Variants in ZNF347 observed in about 807,000 individuals in gnomAD.
ZNF347 encodes the protein zinc finger protein 347.
Under a neutral mutation model 12.9 loss-of-function variants are expected in ZNF347, and 19 were observed. The observed-to-expected ratio is 1.47, with a 90% confidence interval of 1.03 to 2.16. ZNF347 has a LOEUF of 2.16. Among genes scored for constraint, ZNF347 ranks in the 30% most tolerant of loss-of-function variants. ZNF347 has a pLI of 0.00. For missense variants in ZNF347, 1,005 were observed against 990.6 expected, an observed-to-expected ratio of 1.01 and a Z score of -0.19; for synonymous variants, 328 against 340.6, an observed-to-expected ratio of 0.96 and a Z score of 0.41.
chr19:53,156,343 C>T (rs1481163222), intron 1 of ZNF347, among the ~76,000 whole-genome samples: 1 of 152,014 alleles, frequency 6.6e-6, no homozygotes, highest in Non-Finnish European at 1.5e-5. Flanking sequence ...GCAGAGGCTG[C>T]CTTGAGCCAA....
intron 1 of ZNF347, among the ~76,000 whole-genome samples, chr19:53,157,130 G>T (rs1273072296): frequency 6.6e-6 from 1 of 152,180 alleles, no homozygotes; most frequent in African/African-American, 2.4e-5. Flanking sequence ...CCTCTGGTTT[G>T]AATAGTGATT....
chr19:53,157,041 C>G (rs1358586576), intron 1 of ZNF347, among the ~76,000 whole-genome samples: 1 of 152,074 alleles, frequency 6.6e-6, no homozygotes, highest in African/African-American at 2.4e-5. Context: ...CCTCTTAGTT[C>G]ATACACTCGC....
At chr19:53,149,454 G>C in intron 2 of ZNF347, 87 bp from the exon 3 acceptor site, 1 of 1,594,816 alleles carries the variant, frequency 6.3e-7, no homozygotes, top group Non-Finnish European at 8.5e-7. Context: ...GATTAAACTG[G>C]AGTAAGTGGG....
chr19:53,157,425 T>C (rs1037673358), intron 1 of ZNF347, among the ~76,000 whole-genome samples: 16 of 152,094 alleles, frequency 1.1e-4, no homozygotes, highest in African/African-American at 3.1e-4. Flanking sequence ...TTATTTTTTA[T>C]TTTCTGTGTT....
rs766503638 is a variant in ZNF347, at chr19:53,149,287, C to G, written c.96G>C (p.Leu32Phe). 5.0e-6 allele frequency: 8 copies of G among 1,613,944 alleles called. No individual in the cohort carries two copies. The South Asian group carries it at 8.8e-5, about 18-fold the overall frequency. ...WTCLDPAQRTLYRDVMLENYR... is the reference protein window; with the variant it reads ...WTCLDPAQRTFYRDVMLENYR... ...AATTCTCCAACATCACGTCCCTGTA[C>G]AAAGTCCTCTGAGCGGGGTCCAGGC... The change falls in exon 3 of 5, where the codon TTG (leucine) becomes TTC (phenylalanine). Residue 32 changes from leucine (L) to phenylalanine (F), a missense_variant. Leu to Phe is a conservative substitution (Grantham distance 22). Coordinates refer to ENST00000334197, the MANE Select transcript of ZNF347 (RefSeq NM_032584.3).
rs146740854 is a variant in ZNF347 at position 53,152,441 on chromosome 19, T to C, written c.15+1292A>G. ...GGCCAACATGGTGAAACCTTGTCTCTACTAAAAATATAAAAACTAGCTGGG... is the reference window on the plus strand; with the variant it reads ...GGCCAACATGGTGAAACCTTGTCTCCACTAAAAATATAAAAACTAGCTGGG... On this transcript the variant is annotated intron_variant, in intron 2 of 4. Transcript: ENST00000334197. Among the ~76,000 whole-genome samples the C allele has an allele frequency of 9.9e-5, 15 of 151,778 alleles. No individual in the cohort carries two copies. The East Asian group carries it at 2.9e-3, about 30-fold the overall frequency.
In ZNF347 at chr19:53,136,180, C is replaced by T. The variant is rs2090387283; in HGVS notation, c.*4128G>A. The T allele has an allele frequency of 6.7e-6, 1 of 150,224 alleles. No individual in the cohort carries two copies. The highest frequency in any genetic ancestry group is 1.5e-5 in the Non-Finnish European group (1 of 67,736). The allele number at this position is 150,224 out of a possible 1,614,324, so 9.3% of individuals were successfully genotyped here. ...TCCATATTAAGAGACTTCATTTCACCATCTAGTATCCCTGTACTTTAATTG... is the reference window on the plus strand; with the variant it reads ...TCCATATTAAGAGACTTCATTTCACTATCTAGTATCCCTGTACTTTAATTG... On this transcript the variant is annotated 3_prime_UTR_variant, in exon 5 of 5. Coordinates refer to ENST00000334197, the MANE Select transcript of ZNF347 (RefSeq NM_032584.3).
rs755115825 is a variant in ZNF347 at position 53,141,825 on chromosome 19, G to A, written c.1003C>T (p.His335Tyr). The A allele has an allele frequency of 3.1e-6, 5 of 1,613,926 alleles. No homozygotes were observed. In the African/African-American group the frequency reaches 4.0e-5, roughly 13 times the overall value. Residue 335 changes from histidine (H) to tyrosine (Y), a missense_variant, in exon 5 of 5, where the codon CAT (histidine) becomes TAT (tyrosine). By Grantham distance (83) the His-to-Tyr change is moderately conservative. Coordinates refer to ENST00000334197, the MANE Select transcript of ZNF347 (RefSeq NM_032584.3). ...VFSRNSQLSQ[H>Y]QKIHTGEKPY... The stretch of plus-strand genomic sequence containing the variant: ...TTCTCTCCAGTGTGAATTTTCTGAT[G>A]TTGTGAGAGTTGTGAATTTCGACTA...
intron 3 of ZNF347, 145 bp from the exon 4 acceptor site, chr19:53,148,954 T>G: frequency 8.4e-7 from 1 of 1,196,272 alleles, no homozygotes; most frequent in Non-Finnish European, 1.2e-6. Context: ...TATAAATTGT[T>G]AGGAAACACT....
rs150201105 is a variant in ZNF347, at chr19:53,139,030, T to G, written c.*1278A>C. Reference sequence around the variant, plus strand: ...GCCTATTTTTCATCAATCTCTGCTATAAAACAGCTATTGCCATTCAGTAGA... The same window carrying G: ...GCCTATTTTTCATCAATCTCTGCTAGAAAACAGCTATTGCCATTCAGTAGA... On this transcript the variant is annotated 3_prime_UTR_variant, in exon 5 of 5. Coordinates refer to ENST00000334197, the MANE Select transcript of ZNF347 (RefSeq NM_032584.3). The G allele has an allele frequency of 4.1e-4, 62 of 152,328 alleles. No individual in the cohort carries two copies. In the East Asian group the frequency reaches 0.011, roughly 27 times the overall value. The allele number at this position is 152,328 out of a possible 1,614,324, so 9.4% of individuals were successfully genotyped here.
At chr19:53,155,028 C>A (rs551665862) in intron 1 of ZNF347, among the ~76,000 whole-genome samples, 2 of 151,856 alleles carry the variant, frequency 1.3e-5, no homozygotes, top group East Asian at 3.9e-4. Flanking sequence ...ACCTCCGCCT[C>A]CCAGGTTCAA....
At chr19:53,158,082 GA>G (rs2090546885) in intron 1 of ZNF347, among the ~76,000 whole-genome samples, 1 of 152,224 alleles carries the variant, frequency 6.6e-6, no homozygotes, top group East Asian at 1.9e-4. Flanking sequence ...ACATTCACAG[GA>G]AGGTTTGGAC....
Position 53,135,327 on chromosome 19 carries a change from T to TAGAGAGAGAGAG in ZNF347, c.*4980_*4981insCTCTCTCTCTCT, listed in dbSNP as rs1568632525. 2 of 42,634 alleles carry TAGAGAGAGAGAG rather than the reference T, an allele frequency of 4.7e-5. No homozygotes were observed. Among genetic ancestry groups the TAGAGAGAGAGAG allele is most frequent in the African/African-American group, 1.6e-4 (2 of 12,432 alleles). 2.6% of individuals were successfully genotyped at this position (42,634 alleles called of 1,614,324 possible). On this transcript the variant is annotated 3_prime_UTR_variant, in exon 5 of 5. Coordinates refer to ENST00000334197, the MANE Select transcript of ZNF347 (RefSeq NM_032584.3). ...ATATATATATATATATATATATATA[T>TAGAGAGAGAGAG]ATATATATATATAGAGAGAGAGAGA...
chr19:53,146,826 T>A, intron 4 of ZNF347, among the ~76,000 whole-genome samples: 1 of 147,048 alleles, frequency 6.8e-6, no homozygotes. Flanking sequence ...CATGAAGAAA[T>A]AGAAAACCTG....
At position 53,135,508 on chromosome 19, in the gene ZNF347, G is replaced by T. The variant is rs1171351505; in HGVS notation, c.*4800C>A. The T allele has an allele frequency of 6.6e-6, 1 of 151,934 alleles. No individual in the cohort carries two copies. The highest frequency in any genetic ancestry group is 1.9e-4 in the East Asian group (1 of 5,172). The allele number at this position is 151,934 out of a possible 1,614,324, so 9.4% of individuals were successfully genotyped here. A position where few individuals can be genotyped will look rare whatever the true frequency, so the allele number is the denominator to read the frequency against. ...CTGCCTCAGCCTCCCGAATAGCTGG[G>T]ATTACAGGCGCCCGCCATCACACCC... On this transcript the variant is annotated 3_prime_UTR_variant, in exon 5 of 5. Coordinates refer to ENST00000334197, the MANE Select transcript of ZNF347 (RefSeq NM_032584.3).
Position 53,138,027 on chromosome 19 carries a change from T to C in ZNF347, c.*2281A>G, listed in dbSNP as rs944496663. On this transcript the variant is annotated 3_prime_UTR_variant, in exon 5 of 5. Coordinates refer to ENST00000334197, the MANE Select transcript of ZNF347 (RefSeq NM_032584.3). ...TTTCACTGTGTTGGCCAGGGTGGTC[T>C]CGATTTTCTGACCCCATGATCCACC... The C allele has an allele frequency of 6.6e-6, 1 of 152,136 alleles. No homozygotes were observed. Among genetic ancestry groups the C allele is most frequent in the Admixed American group, 6.5e-5 (1 of 15,270 alleles). 9.4% of individuals were successfully genotyped at this position (152,136 alleles called of 1,614,324 possible).
chr19:53,150,523 G>T (rs1373051180), intron 2 of ZNF347, among the ~76,000 whole-genome samples: 1 of 152,110 alleles, frequency 6.6e-6, no homozygotes, highest in East Asian at 1.9e-4. Context: ...AACCAACACC[G>T]GGTTATCTTT....
At position 53,142,547 on chromosome 19, in the gene ZNF347, G is replaced by T. The variant is rs1000690474; in HGVS notation, c.281C>A (p.Ser94Tyr). 4 of 1,583,596 alleles carry T rather than the reference G, an allele frequency of 2.5e-6. No individual in the cohort carries two copies. ...WIKAVITALSSEFVMKDLLHK... is the reference protein window; with the variant it reads ...WIKAVITALSYEFVMKDLLHK... ...TAGTAAATCTTTCATTACAAATTCG[G>T]AAGAGAGAGCTACAAGATATAAAGA... Residue 94 changes from serine (S) to tyrosine (Y), a missense_variant, in exon 5 of 5, where the codon TCC (serine) becomes TAC (tyrosine). Ser to Tyr is a moderately radical substitution (Grantham distance 144, BLOSUM62 -2). Coordinates refer to ENST00000334197, the MANE Select transcript of ZNF347 (RefSeq NM_032584.3).
In ZNF347 at chr19:53,141,828, G is replaced by C. The variant is rs781460768; in HGVS notation, c.1000C>G (p.Gln334Glu). 3.7e-6 allele frequency: 6 copies of C among 1,613,916 alleles called. No individual in the cohort carries two copies. The highest frequency in any genetic ancestry group is 5.1e-6 in the Non-Finnish European group (6 of 1,179,936). Residue 334 changes from glutamine to glutamate, a missense_variant, in exon 5 of 5, where the codon CAA (glutamine) becomes GAA (glutamate). Physicochemically the swap from Gln to Glu is conservative, Grantham distance 29 (BLOSUM62 2). Coordinates refer to ENST00000334197, the MANE Select transcript of ZNF347 (RefSeq NM_032584.3). ...KVFSRNSQLSQHQKIHTGEKP... is the reference protein window; with the variant it reads ...KVFSRNSQLSEHQKIHTGEKP... ...TCTCCAGTGTGAATTTTCTGATGTT[G>C]TGAGAGTTGTGAATTTCGACTAAAG... is the stretch of plus-strand genomic sequence containing the variant.
Sources: gnomAD v4.1 joint callset for allele counts (sites outside exome capture counted in the v4.1 genomes callset) on GRCh38, gnomAD v4.1.1 for gene constraint, MANE v1.5 for transcripts, NCBI Gene and HGNC (gene_info 2026-07-23, HGNC 2026-07-21) for gene names.